The following GPALPP1 variants were observed in gnomAD, a reference collection of about 807,000 sequenced individuals.
GPALPP1 encodes GPALPP motifs-containing protein 1.
GPALPP1 carries 30 observed loss-of-function variants against 38.9 expected under a neutral mutation model. The ratio of observed to expected loss-of-function variants is 0.77; its 90% CI spans 0.58 to 1.05. The LOEUF (loss-of-function observed/expected upper bound fraction) is 1.05, where lower values mean the gene tolerates loss of function less well. Among genes scored for constraint, GPALPP1 ranks in the 50% least tolerant of loss-of-function variants. The pLI is 0.00. For synonymous variants in GPALPP1, 120 were observed against 139.2 expected (o/e 0.86, Z 0.97); for missense variants, 384 against 408.8 (o/e 0.94, Z 0.52).
Position 45,019,131 on chromosome 13 carries a change from G to GTA in GPALPP1, c.706-1193_706-1192dup, listed in dbSNP as rs1383952678. On this transcript the variant is annotated intron_variant, in intron 6 of 7. Transcript: ENST00000379151. ...TATTTATATGTATATATATTTCTAT[G>GTA]TATATATTTATATATATGTATATAT... is the stretch of plus-strand genomic sequence containing the variant. Among the ~76,000 whole-genome samples the GTA allele has an allele frequency of 4.6e-5, 6 of 130,730 alleles. No individual in the cohort carries two copies. In the East Asian group the frequency reaches 1.4e-3, roughly 31 times the overall value. The allele number at this position is 130,730 out of a possible 152,430, so 85.8% of individuals were successfully genotyped here. A position where few individuals can be genotyped will look rare whatever the true frequency, so the allele number is the denominator to read the frequency against.
intron 1 of GPALPP1, among the ~76,000 whole-genome samples, chr13:44,993,240 G>C (rs1470614929): frequency 6.6e-6 from 1 of 152,178 alleles, no homozygotes; most frequent in African/African-American, 2.4e-5. Flanking sequence ...GAATAATGCT[G>C]TTATGAACAT....
chr13:45,020,352 C>A lies in GPALPP1; in HGVS notation c.728C>A (p.Ser243Ter). ...CAGGAAACACAAGAAGCAAGGAAGT[C>A]ATCCAGTAAGAAAGATGAAGAACAT... Reference protein sequence around the residue: ...KAKETQEARKSSSKKDEEHIL... With the variant: ...KAKETQEARK The change falls in exon 7 of 8, where the codon TCA (serine) becomes TAA (stop). Residue 243 changes from serine to a stop codon, truncating the protein, a stop_gained. Transcript: ENST00000379151. LOFTEE classifies it high-confidence loss of function. 1 of 1,497,708 alleles carries A rather than the reference C, an allele frequency of 6.7e-7. No homozygotes were observed. The highest frequency in any genetic ancestry group is 1.1e-5 in the South Asian group (1 of 88,416). 92.8% of individuals were successfully genotyped at this position (1,497,708 alleles called of 1,614,324 possible).
At position 45,004,808 on chromosome 13, in the gene GPALPP1, TATTTTTTGTAG is replaced by T. The variant is rs559662631; in HGVS notation, c.221+380_221+390del. On this transcript the variant is annotated intron_variant, in intron 2 of 7. Transcript: ENST00000379151. The stretch of plus-strand genomic sequence containing the variant: ...AACCACAGGTGCCCGCAAATTTTTG[TATTTTTTGTAG>T]ATTTTTTGGTATTTTTTGTAGAGAT... Among the ~76,000 whole-genome samples, 1,477 of 152,042 alleles carry T rather than the reference TATTTTTTGTAG, an allele frequency of 9.7e-3. 11 individuals are homozygous for T. Among genetic ancestry groups the T allele is most frequent in the Non-Finnish European group, 0.014 (966 of 67,982 alleles).
chr13:45,020,934 C>A (rs1294613481), intron 7 of GPALPP1, among the ~76,000 whole-genome samples: 2 of 152,014 alleles, frequency 1.3e-5, no homozygotes, highest in Non-Finnish European at 2.9e-5. Context: ...AAGCAAGACC[C>A]CTACTCACTC....
At chr13:45,004,578 G>A (rs1566075639) in intron 2 of GPALPP1, 141 bp downstream of exon 2, 3 of 587,112 alleles carry the variant, frequency 5.1e-6, no homozygotes, top group Admixed American at 3.2e-5. Context: ...ATTTCATCCT[G>A]AATTATACCT....
At chr13:45,008,042 G>C (rs1271278051) in intron 3 of GPALPP1, among the ~76,000 whole-genome samples, 2 of 152,140 alleles carry the variant, frequency 1.3e-5, no homozygotes, top group African/African-American at 4.8e-5. Flanking sequence ...AAGTAGACCA[G>C]GGTTTAAACT....
chr13:45,017,104 C>G (rs1459600118), intron 6 of GPALPP1, among the ~76,000 whole-genome samples: 1 of 152,230 alleles, frequency 6.6e-6, no homozygotes, highest in Admixed American at 6.5e-5. Flanking sequence ...GTCAGGATTT[C>G]TGTTTTCAAT....
intron 1 of GPALPP1, among the ~76,000 whole-genome samples, chr13:44,991,713 A>G (rs531604144): frequency 6.6e-6 from 1 of 152,334 alleles, no homozygotes; most frequent in Non-Finnish European, 1.5e-5. Context: ...TAGAAGCTGC[A>G]CTTGGACCAT....
At chr13:44,990,888 A>G (rs3932682) in intron 1 of GPALPP1, among the ~76,000 whole-genome samples, 140,179 of 152,114 alleles carry the variant, frequency 0.92, 65,221 homozygotes, top group East Asian at 1. Flanking sequence ...TCAGGAGTTC[A>G]AGACCAGCCT....
chr13:45,020,306 G>A (rs180766162), intron 6 of GPALPP1, 24 bp from the exon 7 acceptor site: 2 of 851,482 alleles, frequency 2.3e-6, no homozygotes, highest in East Asian at 2.5e-5. Context: ...ATTCAGTAAT[G>A]TGTTATCTGT....
At chr13:45,027,176 C>G (rs1008778586) in intron 7 of GPALPP1, among the ~76,000 whole-genome samples, 13 of 152,100 alleles carry the variant, frequency 8.5e-5, no homozygotes, top group African/African-American at 3.1e-4. Context: ...CTGTTCTATC[C>G]TTTACCTTAG....
At chr13:44,999,939 T>C (rs1873552647) in intron 1 of GPALPP1, among the ~76,000 whole-genome samples, 1 of 152,220 alleles carries the variant, frequency 6.6e-6, no homozygotes, top group Non-Finnish European at 1.5e-5. Flanking sequence ...AATAGTTGTT[T>C]ATTTTGAACA....
chr13:45,004,889 C>T (rs375511849), intron 2 of GPALPP1, among the ~76,000 whole-genome samples: 1 of 151,796 alleles, frequency 6.6e-6, no homozygotes, highest in Non-Finnish European at 1.5e-5. Flanking sequence ...CTCCTGGACT[C>T]AAGTGATCTG....
chr13:45,018,343 G>A (rs1180942031), intron 6 of GPALPP1, among the ~76,000 whole-genome samples: 4 of 151,632 alleles, frequency 2.6e-5, no homozygotes, highest in African/African-American at 9.7e-5. Context: ...CTTGCAGTGA[G>A]CCGAGATTGT....
In GPALPP1 at chr13:45,029,295, T is replaced by C. The variant is rs757028373; in HGVS notation, c.*1292T>C. 23 of 152,242 alleles carry C rather than the reference T, an allele frequency of 1.5e-4. No homozygotes were observed. Among genetic ancestry groups the C allele is most frequent in the Non-Finnish European group, 2.6e-4 (18 of 68,038 alleles). 9.4% of individuals were successfully genotyped at this position (152,242 alleles called of 1,614,324 possible). A position where few individuals can be genotyped will look rare whatever the true frequency, so the allele number is the denominator to read the frequency against. On this transcript the variant is annotated 3_prime_UTR_variant, in exon 8 of 8. Coordinates refer to ENST00000379151, the MANE Select transcript of GPALPP1 (RefSeq NM_018559.5). Reference sequence around the variant, plus strand: ...AAGAATACTCTTTGTCCATCTTTATTTCTTTGTTTTTGGCTTCTTAAGATT... The same window carrying C: ...AAGAATACTCTTTGTCCATCTTTATCTCTTTGTTTTTGGCTTCTTAAGATT...
intron 6 of GPALPP1, among the ~76,000 whole-genome samples, 181 bp downstream of exon 6, chr13:45,015,777 T>A (rs1207033661): frequency 6.6e-6 from 1 of 152,214 alleles, no homozygotes; most frequent in Non-Finnish European, 1.5e-5. Context: ...GCTTGCTGTT[T>A]ACTTACTATT....
At chr13:45,020,678 A>C (rs1000050975) in intron 7 of GPALPP1, among the ~76,000 whole-genome samples, 7 of 150,356 alleles carry the variant, frequency 4.7e-5, no homozygotes, top group African/African-American at 1.7e-4. Context: ...CAAAATATAT[A>C]GCCTTTTTTC....
Position 45,002,870 on chromosome 13 carries a change from A to T in GPALPP1, c.89-1435A>T, listed in dbSNP as rs1484585283. The stretch of plus-strand genomic sequence containing the variant: ...GCACTGGCTGTTCCTCTGTCATCTC[A>T]TCATTTAAGTCTCCATTCAAATGTC... On this transcript the variant is annotated intron_variant, in intron 1 of 7. Transcript: ENST00000379151. Among the ~76,000 whole-genome samples, 3 of 152,148 alleles carry T rather than the reference A, an allele frequency of 2.0e-5. No individual in the cohort carries two copies. In the South Asian group the frequency reaches 6.2e-4, roughly 32 times the overall value.
chr13:45,019,220 T>A (rs560537539), intron 6 of GPALPP1, among the ~76,000 whole-genome samples: 1 of 150,950 alleles, frequency 6.6e-6, no homozygotes, highest in Admixed American at 6.7e-5. Context: ...CCATCTCAGT[T>A]CAATGCAACC....
Sources: gnomAD v4.1 joint callset for allele counts (sites outside exome capture counted in the v4.1 genomes callset) on GRCh38, gnomAD v4.1.1 for gene constraint, MANE v1.5 for transcripts, NCBI Gene and HGNC (gene_info 2026-07-23, HGNC 2026-07-21) for gene names.